TCF25: variants seen among roughly 807,000 people sequenced by gnomAD.
TCF25 encodes TCF25 ribosome quality control complex subunit, also known as ribosome quality control complex subunit TCF25.
A neutral mutation model predicts 83.1 loss-of-function variants in TCF25; 41 were observed. The ratio of observed to expected loss-of-function variants is 0.49; its 90% CI spans 0.38 to 0.64. TCF25 has a LOEUF of 0.64. Among genes scored for constraint, TCF25 ranks in the 30% least tolerant of loss-of-function variants. The probability of loss-of-function intolerance (pLI) is 0.00; values close to 1 mark genes in which losing one functional copy is unlikely to be tolerated. For missense variants in TCF25, 979 were observed against 914.5 expected (o/e 1.07, Z -0.91); for synonymous variants, 458 against 365.0 (o/e 1.25, Z -2.90).
intron 10 of TCF25, 23 bp downstream of exon 10, chr16:89,898,672 G>A (rs746586122): frequency 5.6e-5 from 90 of 1,612,192 alleles, no homozygotes; most frequent in Non-Finnish European, 7.4e-5. Flanking sequence ...TCAGGGCCAA[G>A]CCCGTCCACG....
chr16:89,907,472 ACCTCCCACCTCCCAGCTCCCACCTCCCT>A (rs2044948842), intron 16 of TCF25, 150 bp downstream of exon 16: 1 of 127,848 alleles, frequency 7.8e-6, no homozygotes, highest in Admixed American at 1.1e-4. Flanking sequence ...CCCTCCTCCC[ACCTCCCACCTCCCAGCTCCCACCTCCCT>A]CCTCCCACCT....
intron 16 of TCF25, among the ~76,000 whole-genome samples, chr16:89,908,272 C>T (rs2045144980): frequency 1.4e-5 from 2 of 145,074 alleles, no homozygotes; most frequent in Non-Finnish European, 1.5e-5. Context: ...GCTCCCTCTT[C>T]CCTCCTCCCA....
Position 89,877,113 on chromosome 16 carries a change from T to TA in TCF25, c.192+3257dup, listed in dbSNP as rs934992023. 7.2e-3 allele frequency among the ~76,000 whole-genome samples: 1,071 copies of TA among 149,542 alleles called. 4 individuals are homozygous for TA. The highest frequency in any genetic ancestry group is 0.011 in the Non-Finnish European group (734 of 67,890). On this transcript the variant is annotated intron_variant, in intron 1 of 17. Transcript: ENST00000263346. ...CGAGACTCTGTCTCAAAAAAATAAATAAATAAATAAATAAATAAATCGTAA... is the reference window on the plus strand; with the variant it reads ...CGAGACTCTGTCTCAAAAAAATAAATAAAATAAATAAATAAATAAATCGTAA...
intron 1 of TCF25, among the ~76,000 whole-genome samples, chr16:89,882,621 C>G (rs960539525): frequency 5.9e-5 from 9 of 152,260 alleles, no homozygotes; most frequent in Admixed American, 2.6e-4. Flanking sequence ...GAGTCTTGCT[C>G]TGTTGCCCAG....
At chr16:89,908,600 TCCC>T (rs2144328509) in intron 16 of TCF25, among the ~76,000 whole-genome samples, 1 of 111,234 alleles carries the variant, frequency 9.0e-6, no homozygotes, top group Middle Eastern at 4.8e-3. Flanking sequence ...AGCTCCCGCC[TCCC>T]TCCTCCCAGC....
At chr16:89,878,352 A>C (rs2042344902) in intron 1 of TCF25, 3 of 1,061,440 alleles carry the variant, frequency 2.8e-6, no homozygotes, top group Non-Finnish European at 3.6e-6. Flanking sequence ...GTGGGAGGCC[A>C]AGGCGGGTGG....
rs758287443 is a variant in TCF25 at position 89,892,182 on chromosome 16, G to A, written c.615-11G>A. 13 of 1,598,738 alleles carry A rather than the reference G, an allele frequency of 8.1e-6. No individual in the cohort carries two copies. Among genetic ancestry groups the A allele is most frequent in the African/African-American group, 1.3e-5 (1 of 74,312 alleles). On this transcript the variant is annotated splice_polypyrimidine_tract_variant and intron_variant, in intron 5 of 17. Coordinates refer to ENST00000263346, the MANE Select transcript of TCF25 (RefSeq NM_014972.3). ...GGAAGTAAAGCTGTACCTGTGTCCC[G>A]TTCTCCCCAGGCCACGGCAGAGACA...
chr16:89,876,967 T>C lies in TCF25; in HGVS notation c.192+3108T>C, dbSNP rs1023176828. Among the ~76,000 whole-genome samples the C allele has an allele frequency of 2.3e-5, 3 of 131,214 alleles. No individual in the cohort carries two copies. In the Admixed American group the frequency reaches 2.3e-4, roughly 10 times the overall value. The allele number at this position is 131,214 out of a possible 152,430, so 86.1% of individuals were successfully genotyped here. A position where few individuals can be genotyped will look rare whatever the true frequency, so the allele number is the denominator to read the frequency against. On this transcript the variant is annotated intron_variant, in intron 1 of 17. Coordinates refer to ENST00000263346, the MANE Select transcript of TCF25 (RefSeq NM_014972.3). Reference sequence around the variant, plus strand: ...AAAAAAAAAAATTGGCCAGGCATGGTGGTGGGTGCCTGTAATCCCAGCTAC... The same window carrying C: ...AAAAAAAAAAATTGGCCAGGCATGGCGGTGGGTGCCTGTAATCCCAGCTAC...
At chr16:89,901,067 G>T (rs1296937808) in intron 12 of TCF25, 5 of 343,854 alleles carry the variant, frequency 1.5e-5, no homozygotes. Context: ...AACTGGCTGG[G>T]AGGTGCGGGG....
chr16:89,896,147 G>C, intron 9 of TCF25, 64 bp downstream of exon 9: 1 of 1,533,552 alleles, frequency 6.5e-7, no homozygotes, highest in African/African-American at 1.4e-5. Flanking sequence ...TGAGGCTGGG[G>C]GAGGTGCAGT....
intron 5 of TCF25, 97 bp from the exon 6 acceptor site, chr16:89,892,096 G>C: frequency 8.1e-7 from 1 of 1,230,926 alleles, no homozygotes; most frequent in South Asian, 1.7e-5. Context: ...CTGCCCCTCA[G>C]TTTTGCTTCC....
At chr16:89,896,490 T>C (rs998371297) in intron 9 of TCF25, among the ~76,000 whole-genome samples, 4 of 152,002 alleles carry the variant, frequency 2.6e-5, no homozygotes, top group East Asian at 1.9e-4. Flanking sequence ...GGAGGGTTGC[T>C]TGAGCCCAGG....
chr16:89,905,845 T>C (rs1597378241), intron 14 of TCF25, among the ~76,000 whole-genome samples: 1 of 152,246 alleles, frequency 6.6e-6, no homozygotes, highest in Non-Finnish European at 1.5e-5. Flanking sequence ...CCTGTGCCTG[T>C]AGCCGTAGCA....
chr16:89,878,939 C>T (rs2042390451), intron 1 of TCF25, among the ~76,000 whole-genome samples: 1 of 152,232 alleles, frequency 6.6e-6, no homozygotes, highest in African/African-American at 2.4e-5. Flanking sequence ...CCGCGCCCAG[C>T]CAGTAATAAG....
chr16:89,900,520 T>C, intron 11 of TCF25, 115 bp from the exon 12 acceptor site: 1 of 1,255,126 alleles, frequency 8.0e-7, no homozygotes, highest in Non-Finnish European at 1.1e-6. Flanking sequence ...TTGCGTTGCC[T>C]GCAGAATATA....
intron 7 of TCF25, among the ~76,000 whole-genome samples, chr16:89,894,408 G>A (rs570723660): frequency 6.9e-6 from 1 of 145,050 alleles, no homozygotes; most frequent in African/African-American, 2.9e-5. Flanking sequence ...CGGCCCTCAC[G>A]CAGCCGCCGG....
At chr16:89,888,588 CAA>C (rs749729484) in intron 5 of TCF25, among the ~76,000 whole-genome samples, 10 of 100,920 alleles carry the variant, frequency 9.9e-5, no homozygotes, top group Admixed American at 2.2e-4. Context: ...AACTCCATCT[CAA>C]AAAAAAAAAA....
At chr16:89,897,494 C>T (rs1364259549) in intron 9 of TCF25, among the ~76,000 whole-genome samples, 3 of 152,270 alleles carry the variant, frequency 2.0e-5, no homozygotes, top group African/African-American at 4.8e-5. Context: ...AGCCAAGGTC[C>T]GCTGACCCGT....
At position 89,885,953 on chromosome 16, in the gene TCF25, T is replaced by C. The variant is rs1390925866; in HGVS notation, c.535T>C (p.Tyr179His). The C allele has an allele frequency of 6.2e-7, 1 of 1,600,264 alleles. No homozygotes were observed. The highest frequency in any genetic ancestry group is 1.4e-5 in the African/African-American group (1 of 72,624). ...CCTGAGCTCCAGGAAGCACGTTCTC[T>C]ACGTGGAGCACAGGTGTGGCCCCCG... ...APLSSRKHVL[Y>H]VEHRHLNPDT... The change falls in exon 4 of 18, where the codon TAC becomes CAC. Residue 179 changes from tyrosine to histidine, a missense_variant. Physicochemically the swap from Tyr to His is moderately conservative, Grantham distance 83 (BLOSUM62 2). Transcript: ENST00000263346.
Sources: allele counts gnomAD v4.1 joint callset (sites outside exome capture counted in the v4.1 genomes callset), GRCh38; gene constraint gnomAD v4.1.1; transcripts MANE v1.5; gene names NCBI Gene and HGNC (gene_info 2026-07-23, HGNC 2026-07-21).